The following CHCHD6 variants were observed in gnomAD, a reference collection of about 807,000 sequenced individuals.
The protein encoded by CHCHD6 is coiled-coil-helix-coiled-coil-helix domain containing 6.
CHCHD6 carries 28 observed loss-of-function variants against 32.3 expected under a neutral mutation model. That is an observed-to-expected ratio of 0.87 (90% CI 0.64 to 1.19). The LOEUF is 1.19. Among genes scored for constraint, CHCHD6 ranks in the 50% most tolerant of loss-of-function variants. CHCHD6 has a pLI of 0.00. For missense variants in CHCHD6, 333 were observed against 307.0 expected (o/e 1.08, Z -0.63); for synonymous variants, 122 against 117.5 (o/e 1.04, Z -0.25).
chr3:126,834,845 C>T (rs1479507185), intron 4 of CHCHD6, among the ~76,000 whole-genome samples: 1 of 152,106 alleles, frequency 6.6e-6, no homozygotes. Flanking sequence ...GGGTCCTTGA[C>T]AGTCGGCAAC....
chr3:126,857,876 T>C (rs1020993742), intron 5 of CHCHD6, among the ~76,000 whole-genome samples: 2 of 152,218 alleles, frequency 1.3e-5, no homozygotes. Flanking sequence ...GCATAGCCAC[T>C]GTGGAAGATC....
intron 1 of CHCHD6, among the ~76,000 whole-genome samples, chr3:126,710,504 G>T (rs1316383115): frequency 6.6e-6 from 1 of 152,164 alleles, no homozygotes; most frequent in East Asian, 1.9e-4. Context: ...GATTTCTGTT[G>T]ACTCTATAGA....
chr3:126,727,924 A>T (rs1016556410), intron 2 of CHCHD6, among the ~76,000 whole-genome samples: 5 of 152,172 alleles, frequency 3.3e-5, no homozygotes, highest in African/African-American at 7.2e-5. Flanking sequence ...TGCTCAAAAC[A>T]TACTTGTTTT....
At chr3:126,932,180 T>C (rs1026518879) in intron 6 of CHCHD6, among the ~76,000 whole-genome samples, 45 of 152,188 alleles carry the variant, frequency 3.0e-4, no homozygotes, top group Admixed American at 2.0e-3. Context: ...CTGCTGCCCG[T>C]AGCACCTCTC....
chr3:126,753,726 G>A (rs898543939), intron 4 of CHCHD6, among the ~76,000 whole-genome samples: 1 of 152,242 alleles, frequency 6.6e-6, no homozygotes, highest in African/African-American at 2.4e-5. Context: ...AGTGGGTGAA[G>A]AGAGGGCCCA....
intron 4 of CHCHD6, among the ~76,000 whole-genome samples, chr3:126,802,769 C>T (rs1326671795): frequency 6.6e-6 from 1 of 152,142 alleles, no homozygotes; most frequent in Non-Finnish European, 1.5e-5. Flanking sequence ...CTGTCAGATT[C>T]ACCAAAGTTG....
intron 5 of CHCHD6, among the ~76,000 whole-genome samples, chr3:126,902,406 G>A (rs2077941235): frequency 1.3e-5 from 2 of 152,110 alleles, no homozygotes; most frequent in Non-Finnish European, 2.9e-5. Context: ...CCAAATCAAG[G>A]ACATTCAGAT....
chr3:126,912,677 G>A (rs187443455), intron 5 of CHCHD6, among the ~76,000 whole-genome samples: 31 of 152,348 alleles, frequency 2.0e-4, no homozygotes, highest in African/African-American at 7.5e-4. Flanking sequence ...CCCCGGCCCA[G>A]CCCAGGGCAG....
chr3:126,709,981 G>A (rs908490976), intron 1 of CHCHD6, among the ~76,000 whole-genome samples: 2 of 152,190 alleles, frequency 1.3e-5, no homozygotes, highest in African/African-American at 4.8e-5. Context: ...ATCCTACATG[G>A]ATACCAAAGG....
chr3:126,941,962 C>G (rs1448428929), intron 6 of CHCHD6, among the ~76,000 whole-genome samples: 1 of 152,214 alleles, frequency 6.6e-6, no homozygotes, highest in South Asian at 2.1e-4. Flanking sequence ...GTCCAGGAAT[C>G]TGTCATGCAT....
At chr3:126,806,362 AC>A (rs1445639685) in intron 4 of CHCHD6, among the ~76,000 whole-genome samples, 2 of 152,180 alleles carry the variant, frequency 1.3e-5, no homozygotes, top group Non-Finnish European at 1.5e-5. Context: ...CAAGAAAAAA[AC>A]AACCCCATCA....
rs143361422 is a variant in CHCHD6 at position 126,886,575 on chromosome 3, G to C, written c.496-28105G>C. Among the ~76,000 whole-genome samples the C allele has an allele frequency of 1.7e-3, 261 of 152,290 alleles. 2 individuals are homozygous for C. In the Middle Eastern group the frequency reaches 0.02, roughly 12 times the overall value. ...GCCATTTGGGACTCATTCCCATTGTGACTCTGTTTCCCCTCGTTCCCGTTC... is the reference window on the plus strand; with the variant it reads ...GCCATTTGGGACTCATTCCCATTGTCACTCTGTTTCCCCTCGTTCCCGTTC... On this transcript the variant is annotated intron_variant, in intron 5 of 7. Transcript: ENST00000290913.
intron 5 of CHCHD6, among the ~76,000 whole-genome samples, chr3:126,874,224 G>C (rs752631399): frequency 6.6e-6 from 1 of 152,226 alleles, no homozygotes; most frequent in East Asian, 1.9e-4. Context: ...GTAACACCAG[G>C]TGTCTAAAAA....
chr3:126,820,252 T>C (rs1940092116), intron 4 of CHCHD6, among the ~76,000 whole-genome samples: 1 of 152,230 alleles, frequency 6.6e-6, no homozygotes, highest in Admixed American at 6.5e-5. Flanking sequence ...AACATGTAAA[T>C]TTTAAGTCAC....
intron 4 of CHCHD6, among the ~76,000 whole-genome samples, chr3:126,845,869 A>G (rs769785051): frequency 6.6e-6 from 1 of 152,202 alleles, no homozygotes; most frequent in South Asian, 2.1e-4. Flanking sequence ...CATAAAAGCA[A>G]TGAAAAAACT....
chr3:126,790,582 A>G (rs1046082496), intron 4 of CHCHD6, among the ~76,000 whole-genome samples: 3 of 152,032 alleles, frequency 2.0e-5, no homozygotes, highest in Non-Finnish European at 2.9e-5. Context: ...TTGATCTTCA[A>G]TCATTGATAC....
At chr3:126,819,255 A>G (rs1483579770) in intron 4 of CHCHD6, among the ~76,000 whole-genome samples, 1 of 152,168 alleles carries the variant, frequency 6.6e-6, no homozygotes, top group East Asian at 1.9e-4. Flanking sequence ...ACAGCCACCC[A>G]GGAGTGCACA....
intron 5 of CHCHD6, among the ~76,000 whole-genome samples, chr3:126,913,207 CTTTTTTTTTTTTTTTT>C (rs546179022): frequency 0.03 from 1,000 of 33,748 alleles, 22 homozygotes; most frequent in Middle Eastern, 0.16. Flanking sequence ...CCGTATGAGC[CTTTTTTTTTTTTTTTT>C]TTTTTTTTTT....
At chr3:126,900,690 C>T (rs1004257026) in intron 5 of CHCHD6, among the ~76,000 whole-genome samples, 5 of 151,042 alleles carry the variant, frequency 3.3e-5, no homozygotes, top group Non-Finnish European at 5.9e-5. Context: ...CTGCAACCTC[C>T]GCCTCCCAGG....
Sources: allele counts gnomAD v4.1 joint callset (sites outside exome capture counted in the v4.1 genomes callset), GRCh38; gene constraint gnomAD v4.1.1; transcripts MANE v1.5; gene names NCBI Gene and HGNC (gene_info 2026-07-23, HGNC 2026-07-21).